The following ZC3H12B variants were observed in gnomAD, a reference collection of about 807,000 sequenced individuals.
The protein encoded by ZC3H12B is zinc finger CCCH-type containing 12B.
Under a neutral mutation model 43.9 loss-of-function variants are expected in ZC3H12B, and 7 were observed. That is an observed-to-expected ratio of 0.16 (90% confidence interval 0.09 to 0.30). The LOEUF (loss-of-function observed/expected upper bound fraction) is 0.30, where lower values mean the gene tolerates loss of function less well. Ranked by LOEUF, ZC3H12B falls within the 10% of genes least tolerant of loss-of-function variation. The probability of loss-of-function intolerance (pLI) is 1.00; values close to 1 mark genes in which losing one functional copy is unlikely to be tolerated. For synonymous variants in ZC3H12B, 222 were observed against 241.7 expected (o/e 0.92, Z 0.76); for missense variants, 475 against 670.2 (o/e 0.71, Z 3.22).
the ZC3H12B span, among the ~76,000 whole-genome samples, chrX:65,066,267 A>C: frequency 9.0e-6 from 1 of 111,129 alleles, no homozygotes; most frequent in Non-Finnish European, 1.9e-5. Flanking sequence ...GTTTTTCCTT[A>C]TCTTCATGGA....
intron 2 of ZC3H12B, among the ~76,000 whole-genome samples, chrX:65,380,709 A>G (rs1286658311): frequency 3.6e-5 from 4 of 111,819 alleles, no homozygotes; most frequent in Non-Finnish European, 7.5e-5. Flanking sequence ...TATTCAGGAA[A>G]CCCATCTCAC....
chrX:65,107,753 T>C, the ZC3H12B span, among the ~76,000 whole-genome samples: 1 of 111,077 alleles, frequency 9.0e-6, no homozygotes. Context: ...TTTGCTGCCA[T>C]GTGAAGGACA....
the ZC3H12B span, among the ~76,000 whole-genome samples, chrX:65,189,958 T>G: frequency 2.7e-5 from 3 of 109,611 alleles, no homozygotes; most frequent in Non-Finnish European, 3.8e-5. Context: ...TTAATCCATC[T>G]TGAATTGATT....
At chrX:65,462,604 G>A (rs2067766345) in intron 3 of ZC3H12B, among the ~76,000 whole-genome samples, 1 of 112,331 alleles carries the variant, frequency 8.9e-6, no homozygotes, top group African/African-American at 3.2e-5. Flanking sequence ...CCCTGAAGTT[G>A]TGTAGCTTGA....
chrX:65,390,934 G>C (rs2066607227), intron 2 of ZC3H12B, among the ~76,000 whole-genome samples: 1 of 111,689 alleles, frequency 9.0e-6, no homozygotes, highest in Non-Finnish European at 1.9e-5. Flanking sequence ...TTAAAATGTT[G>C]CTGTTGTATC....
At chrX:65,330,466 C>T in the ZC3H12B span, among the ~76,000 whole-genome samples, 3 of 111,260 alleles carry the variant, frequency 2.7e-5, no homozygotes, top group Admixed American at 1.9e-4. Context: ...TGAGAGAGTG[C>T]GTCCCTGTCT....
the ZC3H12B span, among the ~76,000 whole-genome samples, chrX:65,130,456 G>A: frequency 1.1e-4 from 12 of 110,832 alleles, no homozygotes; most frequent in East Asian, 2.9e-4. Context: ...TTCCTGACTC[G>A]GGGCATGTGA....
the ZC3H12B span, among the ~76,000 whole-genome samples, chrX:65,073,821 T>C: frequency 9.0e-6 from 1 of 111,717 alleles, no homozygotes; most frequent in Admixed American, 9.4e-5. Flanking sequence ...CCAGAGTTGT[T>C]GGAGGCCAAG....
chrX:65,309,956 A>C, the ZC3H12B span, among the ~76,000 whole-genome samples: 3 of 112,098 alleles, frequency 2.7e-5, no homozygotes, highest in Non-Finnish European at 5.6e-5. Flanking sequence ...ACAGCCCTTC[A>C]TGCTAAAAAC....
upstream of ZC3H12B, among the ~76,000 whole-genome samples, chrX:65,484,062 C>T (rs1300790118): frequency 1.8e-5 from 2 of 112,050 alleles, no homozygotes; most frequent in Admixed American, 9.5e-5. Context: ...TGAACATACA[C>T]GTGCATGTGT....
chrX:65,447,315 G>GTGATTTTT (rs1360859386), intron 3 of ZC3H12B, among the ~76,000 whole-genome samples: 1 of 110,550 alleles, frequency 9.0e-6, no homozygotes, highest in African/African-American at 3.3e-5. Context: ...GTTTGTCTTT[G>GTGATTTTT]TGATTTTTTT....
intron 3 of ZC3H12B, among the ~76,000 whole-genome samples, chrX:65,431,418 A>T (rs1027852012): frequency 2.7e-5 from 3 of 111,701 alleles, no homozygotes; most frequent in Admixed American, 9.5e-5. Flanking sequence ...CAGATTGGGG[A>T]CTCAGTGGTG....
chrX:65,202,165 AAT>A, the ZC3H12B span, among the ~76,000 whole-genome samples: 4 of 94,978 alleles, frequency 4.2e-5, no homozygotes, highest in Non-Finnish European at 8.1e-5. Context: ...TATTATATAT[AAT>A]ATATATTATA....
the ZC3H12B span, among the ~76,000 whole-genome samples, chrX:65,195,139 GA>G: frequency 9.2e-6 from 1 of 108,509 alleles, no homozygotes; most frequent in African/African-American, 3.4e-5. Flanking sequence ...TTTTAATGGA[GA>G]GTTTAATCAA....
chrX:65,230,493 C>A, the ZC3H12B span, among the ~76,000 whole-genome samples: 8 of 107,998 alleles, frequency 7.4e-5, no homozygotes, highest in Non-Finnish European at 1.3e-4. Flanking sequence ...TTGTAACTAA[C>A]CTGCACATTG....
At chrX:65,230,271 A>T in the ZC3H12B span, among the ~76,000 whole-genome samples, 1 of 110,630 alleles carries the variant, frequency 9.0e-6, no homozygotes, top group South Asian at 3.9e-4. Flanking sequence ...CATTCTCAGT[A>T]AACTATTGCA....
At chrX:65,134,513 G>T in the ZC3H12B span, among the ~76,000 whole-genome samples, 1 of 111,773 alleles carries the variant, frequency 8.9e-6, no homozygotes, top group East Asian at 2.8e-4. Context: ...GGTAGCAAAA[G>T]AGGGAGATTG....
At chrX:65,454,362 C>A (rs968154684) in intron 3 of ZC3H12B, among the ~76,000 whole-genome samples, 1 of 112,104 alleles carries the variant, frequency 8.9e-6, no homozygotes. Flanking sequence ...GGTCCTACAC[C>A]CACAGAGCCT....
the ZC3H12B span, among the ~76,000 whole-genome samples, chrX:65,145,050 T>C: frequency 9.0e-6 from 1 of 111,723 alleles, no homozygotes; most frequent in Non-Finnish European, 1.9e-5. Flanking sequence ...ATGACCTCTC[T>C]AGTGCTGTCA....
Sources: gnomAD v4.1 joint callset for allele counts (sites outside exome capture counted in the v4.1 genomes callset) on GRCh38, gnomAD v4.1.1 for gene constraint, MANE v1.5 for transcripts, NCBI Gene and HGNC (gene_info 2026-07-23, HGNC 2026-07-21) for gene names.